The following MTUS2 variants were observed in gnomAD, a reference collection of about 807,000 sequenced individuals.
MTUS2 encodes microtubule-associated tumor suppressor candidate 2.
Under a neutral mutation model 114.1 loss-of-function variants are expected in MTUS2, and 40 were observed. That is an observed-to-expected ratio of 0.35 (90% CI 0.27 to 0.46). The LOEUF is 0.46. Among genes scored for constraint, MTUS2 ranks in the 20% least tolerant of loss-of-function variants. The pLI is 1.00. For missense variants in MTUS2, 1,679 were observed against 1,705.4 expected (o/e 0.98, Z 0.27); for synonymous variants, 688 against 672.0 (o/e 1.02, Z -0.37).
At chr13:29,208,558 A>T (rs766112020) in intron 5 of MTUS2, among the ~76,000 whole-genome samples, 1 of 151,938 alleles carries the variant, frequency 6.6e-6, no homozygotes, top group Non-Finnish European at 1.5e-5. Context: ...TGATGCAGGT[A>T]TTTAGTGCTC....
At chr13:29,227,432 C>T (rs17072997) in intron 5 of MTUS2, among the ~76,000 whole-genome samples, 24,622 of 151,982 alleles carry the variant, frequency 0.16, 2,260 homozygotes, top group East Asian at 0.41. Flanking sequence ...GGCAAGTGAC[C>T]CGAGGGGCTC....
chr13:28,939,643 A>T (rs1180178131), intron 2 of MTUS2, among the ~76,000 whole-genome samples: 2 of 152,162 alleles, frequency 1.3e-5, no homozygotes, highest in South Asian at 2.1e-4. Context: ...ATTTTTCCAA[A>T]TAAAATTTTA....
rs1207158705 is a variant in MTUS2, at chr13:28,906,693, G to A, written c.-243+66843G>A. 3.6e-4 allele frequency among the ~76,000 whole-genome samples: 54 copies of A among 151,590 alleles called. 2 individuals carry two copies. The highest frequency in any genetic ancestry group is 8.5e-4 in the African/African-American group (35 of 41,170). On this transcript the variant is annotated intron_variant, in intron 2 of 15. Coordinates refer to ENST00000612955, the MANE Select transcript of MTUS2 (RefSeq NM_001033602.4). ...CTTCCAACTATGTGGTCAATTTTGGGATAGGTGTGGTGTGGTGCTGAAAAA... is the reference window on the plus strand; with the variant it reads ...CTTCCAACTATGTGGTCAATTTTGGAATAGGTGTGGTGTGGTGCTGAAAAA...
intron 2 of MTUS2, among the ~76,000 whole-genome samples, chr13:28,846,059 T>C (rs867978016): frequency 2.8e-5 from 4 of 144,574 alleles, no homozygotes; most frequent in Non-Finnish European, 6.0e-5. Context: ...AAAAAAAATA[T>C]ATATATATAT....
At chr13:28,852,338 T>C (rs1312475151) in intron 2 of MTUS2, among the ~76,000 whole-genome samples, 4 of 152,178 alleles carry the variant, frequency 2.6e-5, no homozygotes, top group African/African-American at 9.7e-5. Flanking sequence ...ATGGCTCTTA[T>C]TCTCCGTTAT....
At chr13:29,355,158 G>T (rs1869633907) in intron 7 of MTUS2, among the ~76,000 whole-genome samples, 2 of 152,208 alleles carry the variant, frequency 1.3e-5, no homozygotes, top group South Asian at 2.1e-4. Context: ...GGCTGCCGAT[G>T]AATTTTTAAT....
chr13:29,102,427 A>G (rs1890461253), intron 5 of MTUS2, among the ~76,000 whole-genome samples: 1 of 152,240 alleles, frequency 6.6e-6, no homozygotes, highest in Non-Finnish European at 1.5e-5. Flanking sequence ...TTTTGCTGAC[A>G]GAGAGCTGAC....
intron 6 of MTUS2, among the ~76,000 whole-genome samples, chr13:29,286,159 C>T (rs1436119642): frequency 1.3e-5 from 2 of 152,196 alleles, no homozygotes; most frequent in Non-Finnish European, 2.9e-5. Flanking sequence ...CTTCTGACCT[C>T]AGGTGATTTG....
intron 1 of MTUS2, among the ~76,000 whole-genome samples, chr13:28,830,865 T>A (rs1226089058): frequency 6.6e-6 from 1 of 152,182 alleles, no homozygotes; most frequent in Admixed American, 6.5e-5. Context: ...AGTGGAATGA[T>A]GTATTGAAAA....
At chr13:29,009,555 T>C (rs1422474733) in intron 2 of MTUS2, among the ~76,000 whole-genome samples, 1 of 152,184 alleles carries the variant, frequency 6.6e-6, no homozygotes, top group African/African-American at 2.4e-5. Context: ...TCATATTTGC[T>C]AGTGGCTCGG....
intron 5 of MTUS2, among the ~76,000 whole-genome samples, chr13:29,113,258 G>A (rs1890953137): frequency 6.6e-6 from 1 of 152,186 alleles, no homozygotes. Flanking sequence ...TGCTCTGTCT[G>A]CCTTTCCCTT....
chr13:28,899,986 C>G (rs1444995792), intron 2 of MTUS2, among the ~76,000 whole-genome samples: 1 of 152,092 alleles, frequency 6.6e-6, no homozygotes, highest in Admixed American at 6.6e-5. Context: ...CTCCAGGGTA[C>G]AATCCATTCT....
chr13:28,858,648 GA>G (rs1876784245), intron 2 of MTUS2, among the ~76,000 whole-genome samples: 1 of 152,134 alleles, frequency 6.6e-6, no homozygotes, highest in Non-Finnish European at 1.5e-5. Flanking sequence ...CTTTAAAATA[GA>G]ATGCATTAAT....
intron 8 of MTUS2, among the ~76,000 whole-genome samples, chr13:29,424,724 C>T (rs534728831): frequency 1.3e-5 from 2 of 152,156 alleles, no homozygotes; most frequent in South Asian, 4.2e-4. Flanking sequence ...TAAAAGGATG[C>T]AGGAACAGGT....
chr13:29,181,115 G>T (rs557297126), intron 5 of MTUS2, among the ~76,000 whole-genome samples: 44 of 152,008 alleles, frequency 2.9e-4, no homozygotes, highest in Non-Finnish European at 4.9e-4. Flanking sequence ...TGAGCGTCAG[G>T]GAGAGAGCTG....
At chr13:28,901,974 C>T (rs1879671945) in intron 2 of MTUS2, among the ~76,000 whole-genome samples, 1 of 152,078 alleles carries the variant, frequency 6.6e-6, no homozygotes, top group Non-Finnish European at 1.5e-5. Context: ...TCTATGAAAA[C>T]AATATGCCTT....
At chr13:28,923,949 G>T (rs548692648) in intron 2 of MTUS2, among the ~76,000 whole-genome samples, 1 of 152,244 alleles carries the variant, frequency 6.6e-6, no homozygotes, top group African/African-American at 2.4e-5. Context: ...TCCCCACCGT[G>T]ATTCTCAGTG....
At chr13:29,155,461 A>G (rs1413711394) in intron 5 of MTUS2, among the ~76,000 whole-genome samples, 1 of 152,198 alleles carries the variant, frequency 6.6e-6, no homozygotes, top group Non-Finnish European at 1.5e-5. Context: ...CTCATTCAAC[A>G]ATGCATCACA....
chr13:28,951,749 A>G (rs887049338), intron 2 of MTUS2, among the ~76,000 whole-genome samples: 1 of 152,192 alleles, frequency 6.6e-6, no homozygotes, highest in South Asian at 2.1e-4. Flanking sequence ...CAGTGAGCCA[A>G]GATCACACTA....
Sources: gnomAD v4.1 joint callset for allele counts (sites outside exome capture counted in the v4.1 genomes callset) on GRCh38, gnomAD v4.1.1 for gene constraint, MANE v1.5 for transcripts, NCBI Gene and HGNC (gene_info 2026-07-23, HGNC 2026-07-21) for gene names.